The following TNIK variants were observed in gnomAD, a reference collection of about 807,000 sequenced individuals.
TNIK encodes TRAF2 and NCK-interacting protein kinase.
In TNIK, 49 loss-of-function variants were observed where a neutral mutation model predicts 191.3. The observed-to-expected ratio is 0.26, with a 90% CI of 0.20 to 0.32. TNIK has a LOEUF of 0.32. Among genes scored for constraint, TNIK ranks in the 10% least tolerant of loss-of-function variants. The pLI is 1.00. For synonymous variants in TNIK, 594 were observed against 600.9 expected (o/e 0.99, Z 0.17); for missense variants, 1,155 against 1,702.3 (o/e 0.68, Z 5.66).
At chr3:171,290,457 A>C (rs1751557909) in intron 2 of TNIK, among the ~76,000 whole-genome samples, 1 of 152,222 alleles carries the variant, frequency 6.6e-6, no homozygotes, top group South Asian at 2.1e-4. Flanking sequence ...ATGACATATC[A>C]CATGTTAAGG....
chr3:171,347,045 A>G (rs1712322141), intron 2 of TNIK: 1 of 1,256,934 alleles, frequency 8.0e-7, no homozygotes, highest in East Asian at 2.5e-5. Context: ...GAGATGTGCA[A>G]TGCCTGTGCT....
chr3:171,309,734 C>G (rs181223759), intron 2 of TNIK, among the ~76,000 whole-genome samples: 1 of 152,094 alleles, frequency 6.6e-6, no homozygotes, highest in Non-Finnish European at 1.5e-5. Context: ...TGAAGAGAGA[C>G]CTTTCATTCA....
chr3:171,154,577 A>G (rs1050503928), intron 12 of TNIK, among the ~76,000 whole-genome samples: 1 of 152,228 alleles, frequency 6.6e-6, no homozygotes, highest in Non-Finnish European at 1.5e-5. Flanking sequence ...AAACATCACC[A>G]CAAACTTGCT....
chr3:171,137,058 T>G (rs1299401345), intron 15 of TNIK, among the ~76,000 whole-genome samples: 7 of 149,626 alleles, frequency 4.7e-5, no homozygotes, highest in Non-Finnish European at 5.9e-5. Flanking sequence ...ACATGATCAC[T>G]CTAAAGGATT....
At chr3:171,111,644 G>T (rs1275267971) in intron 18 of TNIK, among the ~76,000 whole-genome samples, 1 of 152,148 alleles carries the variant, frequency 6.6e-6, no homozygotes, top group Non-Finnish European at 1.5e-5. Context: ...ATAGGATCCA[G>T]AGATTCCACT....
At chr3:171,192,167 G>A (rs2108837806) in intron 5 of TNIK, among the ~76,000 whole-genome samples, 1 of 152,314 alleles carries the variant, frequency 6.6e-6, no homozygotes, top group Middle Eastern at 3.4e-3. Context: ...TTGAGGCACT[G>A]GTTTAGGTCT....
At chr3:171,177,961 G>A (rs900072341) in intron 7 of TNIK, among the ~76,000 whole-genome samples, 1 of 152,222 alleles carries the variant, frequency 6.6e-6, no homozygotes, top group African/African-American at 2.4e-5. Context: ...CACATCATAT[G>A]TGGTCTTATG....
chr3:171,439,666 C>G (rs1316096939), intron 1 of TNIK: 1 of 152,186 alleles, frequency 6.6e-6, no homozygotes, highest in East Asian at 1.9e-4. Context: ...AAATTACACT[C>G]CAGATCAGTG....
Position 171,308,908 on chromosome 3 carries a change from C to A in TNIK, c.123+60712G>T, listed in dbSNP as rs76030341. Among the ~76,000 whole-genome samples, 1,255 of 152,110 alleles carry A rather than the reference C, an allele frequency of 8.3e-3. 16 individuals are homozygous for A. Among genetic ancestry groups the A allele is most frequent in the African/African-American group, 0.029 (1,193 of 41,508 alleles). On this transcript the variant is annotated intron_variant, in intron 2 of 32. Transcript: ENST00000436636. ...AAAGTCAAAAAACAACAGATGCTGACAAGGCTGTAAAGAAAAGGGAATGCT... is the reference window on the plus strand; with the variant it reads ...AAAGTCAAAAAACAACAGATGCTGAAAAGGCTGTAAAGAAAAGGGAATGCT...
At chr3:171,100,611 T>C (rs1268032618) in intron 22 of TNIK, among the ~76,000 whole-genome samples, 1 of 151,488 alleles carries the variant, frequency 6.6e-6, no homozygotes, top group East Asian at 1.9e-4. Flanking sequence ...TCTATCAAAG[T>C]TGTAGGAGAC....
intron 2 of TNIK, among the ~76,000 whole-genome samples, chr3:171,368,946 T>TC (rs978081107): frequency 6.6e-6 from 1 of 151,540 alleles, no homozygotes; most frequent in Non-Finnish European, 1.5e-5. Flanking sequence ...TTTTTGTTTT[T>TC]TTTTTTGACA....
chr3:171,098,101 C>T (rs1043559342), intron 22 of TNIK, among the ~76,000 whole-genome samples: 3 of 114,116 alleles, frequency 2.6e-5, no homozygotes, highest in South Asian at 2.9e-4. Flanking sequence ...TGCATAGTGG[C>T]TTCCTTCCAA....
intron 1 of TNIK, among the ~76,000 whole-genome samples, chr3:171,447,097 G>C (rs978146877): frequency 6.6e-6 from 1 of 151,956 alleles, no homozygotes; most frequent in East Asian, 1.9e-4. Context: ...AGGCTGAGGC[G>C]GGAGAATCGC....
intron 1 of TNIK, among the ~76,000 whole-genome samples, chr3:171,452,628 C>T (rs1398158893): frequency 6.6e-6 from 1 of 151,844 alleles, no homozygotes; most frequent in Admixed American, 6.6e-5. Context: ...TTCCAGTGGG[C>T]CACCCCAGAA....
intron 5 of TNIK, among the ~76,000 whole-genome samples, chr3:171,193,171 C>G (rs1002610743): frequency 6.6e-6 from 1 of 152,166 alleles, no homozygotes; most frequent in Admixed American, 6.5e-5. Flanking sequence ...TGGCCATTGT[C>G]TAATCTTGTA....
intron 12 of TNIK, among the ~76,000 whole-genome samples, chr3:171,157,146 G>A (rs1220498346): frequency 2.6e-5 from 4 of 152,162 alleles, no homozygotes; most frequent in Non-Finnish European, 5.9e-5. Flanking sequence ...GGCAGGGCAG[G>A]GAAATAGGAC....
intron 2 of TNIK, among the ~76,000 whole-genome samples, chr3:171,334,398 G>A (rs1340988080): frequency 6.6e-6 from 1 of 152,128 alleles, no homozygotes. Context: ...AGATGGAGGA[G>A]AATGACAGAG....
At chr3:171,306,391 A>T (rs1753458227) in intron 2 of TNIK, among the ~76,000 whole-genome samples, 1 of 152,144 alleles carries the variant, frequency 6.6e-6, no homozygotes, top group African/African-American at 2.4e-5. Context: ...AATTAAAGAA[A>T]AAGAAAATAT....
At chr3:171,390,862 A>C (rs1719411785) in intron 1 of TNIK, among the ~76,000 whole-genome samples, 1 of 152,206 alleles carries the variant, frequency 6.6e-6, no homozygotes, top group African/African-American at 2.4e-5. Context: ...TGAACCTGCT[A>C]AAACTAGATA....
Sources: allele counts gnomAD v4.1 joint callset (sites outside exome capture counted in the v4.1 genomes callset), GRCh38; gene constraint gnomAD v4.1.1; transcripts MANE v1.5; gene names NCBI Gene and HGNC (gene_info 2026-07-23, HGNC 2026-07-21).